The following ZFPM2 variants were observed in gnomAD, a reference collection of about 807,000 sequenced individuals.
ZFPM2 encodes zinc finger protein ZFPM2.
In ZFPM2, 20 loss-of-function variants were observed where a neutral mutation model predicts 98.6. That is an observed-to-expected ratio of 0.20 (90% confidence interval 0.14 to 0.29). The LOEUF is 0.29. Ranked by LOEUF, ZFPM2 falls within the 10% of genes least tolerant of loss-of-function variation. The probability of loss-of-function intolerance (pLI) is 1.00; values close to 1 mark genes in which losing one functional copy is unlikely to be tolerated. For synonymous variants in ZFPM2, 518 were observed against 502.7 expected (o/e 1.03, Z -0.41); for missense variants, 1,310 against 1,388.6 (o/e 0.94, Z 0.90).
chr8:105,602,757 T>C (rs1223886115), intron 4 of ZFPM2, among the ~76,000 whole-genome samples: 1 of 152,116 alleles, frequency 6.6e-6, no homozygotes, highest in East Asian at 1.9e-4. Context: ...GCATCAGCAC[T>C]GAGTATTTTA....
intron 3 of ZFPM2, among the ~76,000 whole-genome samples, chr8:105,554,684 A>G (rs923700947): frequency 1.5e-4 from 23 of 152,270 alleles, no homozygotes; most frequent in African/African-American, 5.1e-4. Context: ...ATGCAATATG[A>G]TCTTCTGTCA....
At chr8:105,780,552 C>T (rs1310207108) in intron 5 of ZFPM2, 1 of 152,196 alleles carries the variant, frequency 6.6e-6, no homozygotes, top group Non-Finnish European at 1.5e-5. Context: ...CTCATCATTC[C>T]TATATTCTTC....
intron 1 of ZFPM2, chr8:105,388,033 T>C (rs1216972208): frequency 6.6e-6 from 1 of 152,224 alleles, no homozygotes; most frequent in Non-Finnish European, 1.5e-5. Flanking sequence ...CCTATAAATA[T>C]ATTTGAGACC....
chr8:105,702,448 G>T (rs1811160266), intron 5 of ZFPM2, among the ~76,000 whole-genome samples: 2 of 152,170 alleles, frequency 1.3e-5, no homozygotes, highest in Non-Finnish European at 2.9e-5. Flanking sequence ...AGTGTTAATG[G>T]CTGTGTCATT....
chr8:105,471,856 C>T (rs571073549), intron 3 of ZFPM2, among the ~76,000 whole-genome samples: 1 of 152,000 alleles, frequency 6.6e-6, no homozygotes, highest in African/African-American at 2.4e-5. Context: ...ATAAGGAGAC[C>T]TGCATGGTCT....
intron 5 of ZFPM2, among the ~76,000 whole-genome samples, chr8:105,676,748 G>T (rs575883286): frequency 6.6e-6 from 1 of 151,952 alleles, no homozygotes; most frequent in East Asian, 1.9e-4. Flanking sequence ...TAAAAATAAA[G>T]GGAAATTTCA....
At chr8:105,350,819 GTCC>G (rs1299419483) in intron 1 of ZFPM2, among the ~76,000 whole-genome samples, 1 of 152,036 alleles carries the variant, frequency 6.6e-6, no homozygotes, top group Non-Finnish European at 1.5e-5. Context: ...GAACTATATA[GTCC>G]TCCTTCAGTA....
intron 1 of ZFPM2, among the ~76,000 whole-genome samples, chr8:105,377,656 T>A (rs1208303389): frequency 2.0e-5 from 3 of 147,258 alleles, no homozygotes; most frequent in African/African-American, 7.6e-5. Context: ...GGTGCACATC[T>A]GTAATCCCAG....
intron 3 of ZFPM2, among the ~76,000 whole-genome samples, chr8:105,509,210 A>G (rs1813764095): frequency 6.6e-6 from 1 of 152,218 alleles, no homozygotes; most frequent in Non-Finnish European, 1.5e-5. Context: ...CCAGGAAAAC[A>G]GTAGTTTGCA....
intron 3 of ZFPM2, among the ~76,000 whole-genome samples, chr8:105,453,896 A>C (rs113642937): frequency 1.2e-4 from 18 of 152,142 alleles, no homozygotes; most frequent in African/African-American, 4.1e-4. Context: ...AAGTGTCTAG[A>C]GTATTTTAAA....
chr8:105,586,568 GT>G (rs1435316209), intron 4 of ZFPM2, among the ~76,000 whole-genome samples: 4 of 151,726 alleles, frequency 2.6e-5, no homozygotes, highest in Non-Finnish European at 4.4e-5. Context: ...GACTCCAGGC[GT>G]GTGCCACCAT....
intron 5 of ZFPM2, among the ~76,000 whole-genome samples, chr8:105,705,104 T>A (rs73305018): frequency 6.6e-6 from 1 of 152,296 alleles, no homozygotes; most frequent in African/African-American, 2.4e-5. Context: ...CAAAGCATGT[T>A]ATCATATTAA....
chr8:105,782,241 G>T (rs1015927308), intron 5 of ZFPM2: 1 of 152,122 alleles, frequency 6.6e-6, no homozygotes, highest in Non-Finnish European at 1.5e-5. Context: ...ACATGATGAT[G>T]GAAGCATAAA....
chr8:105,560,169 C>CAAA (rs34623592), intron 3 of ZFPM2, among the ~76,000 whole-genome samples: 1 of 67,608 alleles, frequency 1.5e-5, no homozygotes, highest in Admixed American at 1.5e-4. Context: ...AACTCTGTCT[C>CAAA]AAAAAAAAAA....
At chr8:105,641,863 G>C (rs9656867) in intron 5 of ZFPM2, among the ~76,000 whole-genome samples, 1 of 151,912 alleles carries the variant, frequency 6.6e-6, no homozygotes, top group Non-Finnish European at 1.5e-5. Flanking sequence ...TAGATGTGCT[G>C]TCCTATTTTG....
intron 3 of ZFPM2, among the ~76,000 whole-genome samples, chr8:105,529,563 C>A (rs1024387345): frequency 6.7e-6 from 1 of 148,286 alleles, no homozygotes; most frequent in Non-Finnish European, 1.5e-5. Flanking sequence ...GCTCTTCTAA[C>A]AACACAACTC....
intron 2 of ZFPM2, among the ~76,000 whole-genome samples, chr8:105,425,251 G>A (rs1304148957): frequency 6.6e-6 from 1 of 152,104 alleles, no homozygotes; most frequent in Non-Finnish European, 1.5e-5. Flanking sequence ...GTAAGACATG[G>A]CCACGACATA....
At chr8:105,672,169 G>A (rs943242711) in intron 5 of ZFPM2, among the ~76,000 whole-genome samples, 21 of 151,938 alleles carry the variant, frequency 1.4e-4, no homozygotes, top group African/African-American at 4.8e-4. Context: ...TACTTTAGTA[G>A]CATGTTTTAA....
chr8:105,727,626 C>T (rs1234596018), intron 5 of ZFPM2, among the ~76,000 whole-genome samples: 1 of 151,574 alleles, frequency 6.6e-6, no homozygotes, highest in Non-Finnish European at 1.5e-5. Context: ...AACCATCATC[C>T]CCTGGTACTT....
Sources: allele counts gnomAD v4.1 joint callset (sites outside exome capture counted in the v4.1 genomes callset), GRCh38; gene constraint gnomAD v4.1.1; transcripts MANE v1.5; gene names NCBI Gene and HGNC (gene_info 2026-07-23, HGNC 2026-07-21).